The following MFHAS1 variants were observed in gnomAD, a reference collection of about 807,000 sequenced individuals.
The protein encoded by MFHAS1 is multifunctional ROCO family signaling regulator 1.
Under a neutral mutation model 70.4 loss-of-function variants are expected in MFHAS1, and 50 were observed. The observed-to-expected ratio is 0.71, with a 90% CI of 0.57 to 0.90. MFHAS1 has a LOEUF of 0.90. Ranked by LOEUF, MFHAS1 falls within the 40% of genes least tolerant of loss-of-function variation. MFHAS1 has a pLI of 0.00. For synonymous variants in MFHAS1, 952 were observed against 620.0 expected, an observed-to-expected ratio of 1.54 and a Z score of -7.96; for missense variants, 1,795 against 1,347.6, an observed-to-expected ratio of 1.33 and a Z score of -5.20.
intron 2 of MFHAS1, among the ~76,000 whole-genome samples, chr8:8,793,563 G>A (rs773293669): frequency 5.3e-5 from 8 of 152,232 alleles, no homozygotes; most frequent in Non-Finnish European, 7.3e-5. Flanking sequence ...ATCCCAACAT[G>A]ACTGACAGCC....
intron 1 of MFHAS1, among the ~76,000 whole-genome samples, chr8:8,831,437 T>C (rs929470160): frequency 2.0e-5 from 3 of 152,050 alleles, no homozygotes; most frequent in Non-Finnish European, 4.4e-5. Context: ...CCATACTACC[T>C]GATCTGGAAA....
chr8:8,795,007 A>G (rs1188241118), intron 2 of MFHAS1, among the ~76,000 whole-genome samples: 1 of 152,218 alleles, frequency 6.6e-6, no homozygotes, highest in Non-Finnish European at 1.5e-5. Context: ...GAAGGTTTCT[A>G]GCGCAAATGG....
At chr8:8,880,625 T>C (rs1809480714) in intron 1 of MFHAS1, among the ~76,000 whole-genome samples, 1 of 152,012 alleles carries the variant, frequency 6.6e-6, no homozygotes, top group South Asian at 2.1e-4. Flanking sequence ...AAGAAACCAT[T>C]TGCAATAGGC....
At chr8:8,790,132 A>G (rs749759555) in intron 2 of MFHAS1, among the ~76,000 whole-genome samples, 14 of 152,368 alleles carry the variant, frequency 9.2e-5, no homozygotes, top group Admixed American at 9.2e-4. Flanking sequence ...TAAATTAAGC[A>G]AAAGAATCAA....
At chr8:8,871,795 G>A (rs1809085226) in intron 1 of MFHAS1, among the ~76,000 whole-genome samples, 1 of 152,170 alleles carries the variant, frequency 6.6e-6, no homozygotes, top group Non-Finnish European at 1.5e-5. Context: ...ATGTATGAAT[G>A]GCATTCAAGA....
At chr8:8,816,961 C>T (rs1210995297) in intron 1 of MFHAS1, among the ~76,000 whole-genome samples, 8 of 152,194 alleles carry the variant, frequency 5.3e-5, no homozygotes, top group Non-Finnish European at 1.0e-4. Context: ...AAATGACTCC[C>T]TACCTGTTTA....
chr8:8,783,988 A>G lies in MFHAS1; in HGVS notation c.*2034T>C, dbSNP rs1331162138. ...CTGACACTGCTTCTCTAGGGTTCAG[A>G]TGACAGCATAAAACATCACTGGTCA... On this transcript the variant is annotated 3_prime_UTR_variant, in exon 3 of 3. Coordinates refer to ENST00000276282, the MANE Select transcript of MFHAS1 (RefSeq NM_004225.3). 6.6e-6 allele frequency: 1 copy of G among 152,210 alleles called. No individual in the cohort carries two copies. Among genetic ancestry groups the G allele is most frequent in the African/African-American group, 2.4e-5 (1 of 41,430 alleles). 9.4% of individuals were successfully genotyped at this position (152,210 alleles called of 1,614,324 possible).
chr8:8,850,811 CAAAAAAAA>C (rs149181304), intron 1 of MFHAS1, among the ~76,000 whole-genome samples: 3 of 105,514 alleles, frequency 2.8e-5, no homozygotes, highest in African/African-American at 1.1e-4. Flanking sequence ...AACTCCGTCT[CAAAAAAAA>C]AAAAAAAAAA....
chr8:8,811,341 G>A (rs891936649), intron 1 of MFHAS1, among the ~76,000 whole-genome samples: 10 of 151,260 alleles, frequency 6.6e-5, no homozygotes, highest in African/African-American at 1.7e-4. Context: ...AGGGTCTTGC[G>A]CTGTCACCCA....
At chr8:8,883,811 C>T (rs1486247734) in intron 1 of MFHAS1, among the ~76,000 whole-genome samples, 1 of 151,642 alleles carries the variant, frequency 6.6e-6, no homozygotes, top group Non-Finnish European at 1.5e-5. Context: ...CCTTTCCCCA[C>T]TCATTCCCCT....
At chr8:8,869,794 G>A (rs1283633823) in intron 1 of MFHAS1, among the ~76,000 whole-genome samples, 1 of 152,076 alleles carries the variant, frequency 6.6e-6, no homozygotes, top group Non-Finnish European at 1.5e-5. Context: ...TGAGGAAACC[G>A]GAGCCTGGGA....
chr8:8,850,908 C>T (rs1461780088), intron 1 of MFHAS1, among the ~76,000 whole-genome samples: 2 of 151,688 alleles, frequency 1.3e-5, no homozygotes, highest in African/African-American at 4.8e-5. Context: ...CTCACGTAAT[C>T]TCAGCGATCT....
rs142270440 is a variant in MFHAS1 at position 8,880,032 on chromosome 8, T to C, written c.2998+10029A>G. On this transcript the variant is annotated intron_variant, in intron 1 of 2. Coordinates refer to ENST00000276282, the MANE Select transcript of MFHAS1 (RefSeq NM_004225.3). Reference sequence around the variant, plus strand: ...TTGTACTTCTCTTCTACGTGTTCTTTACGGAGCTCGTGTATGTCACCCCTC... The same window carrying C: ...TTGTACTTCTCTTCTACGTGTTCTTCACGGAGCTCGTGTATGTCACCCCTC... 5.3e-3 allele frequency among the ~76,000 whole-genome samples: 804 copies of C among 152,350 alleles called. 5 individuals carry two copies. Among genetic ancestry groups the C allele is most frequent in the Non-Finnish European group, 6.7e-3 (456 of 68,032 alleles).
intron 1 of MFHAS1, among the ~76,000 whole-genome samples, chr8:8,843,341 C>T (rs11249893): frequency 0.56 from 84,385 of 151,554 alleles, 24,202 homozygotes; most frequent in East Asian, 0.84. Flanking sequence ...CCCAACATTT[C>T]GGGAGGCTCA....
chr8:8,890,419 C>T lies in MFHAS1; in HGVS notation c.2640G>A (p.Leu880=), dbSNP rs1359575622. ...TAAAAGGAAAGCTATATTCAATCTG[C>T]AACTGCTCAGCCACAAAAGACTGCC... is the stretch of plus-strand genomic sequence containing the variant. ...LAGQSFVAEQ[L]QIEYSFPFTF... The change falls in exon 1 of 3, where the codon TTG becomes TTA. Residue 880 remains leucine, a synonymous_variant. Transcript: ENST00000276282. 1 of 1,613,992 alleles carries T rather than the reference C, an allele frequency of 6.2e-7. No individual in the cohort carries two copies. Among genetic ancestry groups the T allele is most frequent in the East Asian group, 2.2e-5 (1 of 44,886 alleles).
chr8:8,870,884 A>G (rs1809049929), intron 1 of MFHAS1, among the ~76,000 whole-genome samples: 1 of 152,194 alleles, frequency 6.6e-6, no homozygotes, highest in South Asian at 2.1e-4. Flanking sequence ...CTGCAATGTT[A>G]AAAGCAACCA....
At chr8:8,817,112 A>G (rs749832115) in intron 1 of MFHAS1, among the ~76,000 whole-genome samples, 3 of 152,210 alleles carry the variant, frequency 2.0e-5, no homozygotes, top group Non-Finnish European at 4.4e-5. Flanking sequence ...ATAGAAGCAC[A>G]CAGCAATCTA....
In MFHAS1 at chr8:8,892,249, G is replaced by C. The variant is rs750314238; in HGVS notation, c.810C>G (p.Ser270Arg). ...NGLQALPAQF[S>R]CLQRLKMLNL... is the part of the protein sequence containing the mutation. ...TGAGCATTTTGAGCCGCTGCAGGCAGCTGAACTGGGCGGGCAGAGCCTGCA... is the reference window on the plus strand; with the variant it reads ...TGAGCATTTTGAGCCGCTGCAGGCACCTGAACTGGGCGGGCAGAGCCTGCA... The change falls in exon 1 of 3, where the codon AGC (serine) becomes AGG (arginine). Residue 270 changes from serine (S) to arginine (R), a missense_variant. Coordinates refer to ENST00000276282, the MANE Select transcript of MFHAS1 (RefSeq NM_004225.3). This position sits in a 1 kb window ranked among gnomAD's most constrained non-coding sequence, Gnocchi z 4.7. The C allele has an allele frequency of 3.1e-6, 5 of 1,611,984 alleles. No homozygotes were observed. The highest frequency in any genetic ancestry group is 4.2e-6 in the Non-Finnish European group (5 of 1,180,036).
At chr8:8,808,163 T>C (rs1806402639) in intron 1 of MFHAS1, among the ~76,000 whole-genome samples, 1 of 151,776 alleles carries the variant, frequency 6.6e-6, no homozygotes. Context: ...GTCCCCACAC[T>C]GTAGACTCTC....
Sources: gnomAD v4.1 joint callset for allele counts (sites outside exome capture counted in the v4.1 genomes callset) on GRCh38, gnomAD v4.1.1 for gene constraint, Gnocchi (gnomAD v3.1) non-coding constraint, MANE v1.5 for transcripts, NCBI Gene and HGNC (gene_info 2026-07-23, HGNC 2026-07-21) for gene names.